The following VWA3B variants were observed in gnomAD, a reference collection of about 807,000 sequenced individuals.
The protein encoded by VWA3B is von Willebrand factor A domain containing 3B.
Under a neutral mutation model 158.3 loss-of-function variants are expected in VWA3B, and 138 were observed. The observed-to-expected ratio is 0.87, with a 90% CI of 0.76 to 1.00. The LOEUF (loss-of-function observed/expected upper bound fraction) is 1.00, where lower values mean the gene tolerates loss of function less well. Among genes scored for constraint, VWA3B ranks in the 50% least tolerant of loss-of-function variants. VWA3B has a pLI of 0.00. For synonymous variants in VWA3B, 596 were observed against 587.3 expected (o/e 1.01, Z -0.21); for missense variants, 1,555 against 1,565.1 (o/e 0.99, Z 0.11).
chr2:98,296,319 A>G (rs62155294), intron 23 of VWA3B, among the ~76,000 whole-genome samples: 5,932 of 152,326 alleles, frequency 0.039, 168 homozygotes, highest in Middle Eastern at 0.075. Context: ...CTGATTCTCA[A>G]TCAGGAGCGG....
Position 98,297,888 on chromosome 2 carries a change from T to C in VWA3B, c.3158-19T>C. ...TGTTATTTGTCTTTATATTTTATGT[T>C]TTCTTTGATTCCTTCCAGGGGTTGT... On this transcript the variant is annotated intron_variant, in intron 23 of 27. Coordinates refer to ENST00000477737, the MANE Select transcript of VWA3B (RefSeq NM_144992.5). 3 of 1,464,700 alleles carry C rather than the reference T, an allele frequency of 2.0e-6. No homozygotes were observed. Among genetic ancestry groups the C allele is most frequent in the Non-Finnish European group, 2.7e-6 (3 of 1,102,024 alleles). The allele number at this position is 1,464,700 out of a possible 1,614,324, so 90.7% of individuals were successfully genotyped here. A position where few individuals can be genotyped will look rare whatever the true frequency, so the allele number is the denominator to read the frequency against.
At chr2:98,224,040 C>G (rs1416344667) in intron 14 of VWA3B, among the ~76,000 whole-genome samples, 1 of 152,182 alleles carries the variant, frequency 6.6e-6, no homozygotes, top group Non-Finnish European at 1.5e-5. Context: ...TTTCACAAAA[C>G]TATCCTTCAA....
chr2:98,255,650 C>A (rs535784877), intron 20 of VWA3B, among the ~76,000 whole-genome samples: 1 of 152,064 alleles, frequency 6.6e-6, no homozygotes, highest in Non-Finnish European at 1.5e-5. Context: ...CTAGCAGCCT[C>A]GTTTGGAAAA....
intron 12 of VWA3B, among the ~76,000 whole-genome samples, chr2:98,211,720 C>CTTGG: frequency 6.6e-6 from 1 of 152,344 alleles, no homozygotes; most frequent in African/African-American, 2.4e-5. Flanking sequence ...TGACTTCTAG[C>CTTGG]AGTCCTTGGA....
chr2:98,134,077 G>A, intron 7 of VWA3B, 138 bp downstream of exon 7: 1 of 705,374 alleles, frequency 1.4e-6, no homozygotes, highest in Non-Finnish European at 2.4e-6. Flanking sequence ...CAAGAGCAGA[G>A]TTAATGGATA....
chr2:98,093,004 T>G, intron 1 of VWA3B, 57 bp from the exon 2 acceptor site: 1 of 1,267,888 alleles, frequency 7.9e-7, no homozygotes, highest in Admixed American at 2.3e-5. Flanking sequence ...AGTCCCCTGT[T>G]GACGTTAGAT....
At chr2:98,260,712 G>A (rs536179013) in intron 21 of VWA3B, among the ~76,000 whole-genome samples, 1 of 151,738 alleles carries the variant, frequency 6.6e-6, no homozygotes, top group South Asian at 2.1e-4. Flanking sequence ...ACACATTTTA[G>A]GAATCAGTAT....
intron 21 of VWA3B, among the ~76,000 whole-genome samples, chr2:98,267,793 C>T (rs1324558391): frequency 6.6e-6 from 1 of 151,694 alleles, no homozygotes; most frequent in African/African-American, 2.4e-5. Context: ...AGACTACTAG[C>T]AAGACTAATA....
At position 98,308,463 on chromosome 2, in the gene VWA3B, G is replaced by C. The variant is rs1169974849; in HGVS notation, c.3522-3356G>C. Among the ~76,000 whole-genome samples, 6 of 152,236 alleles carry C rather than the reference G, an allele frequency of 3.9e-5. No homozygotes were observed. In the East Asian group the frequency reaches 9.6e-4, roughly 24 times the overall value. ...ACTGCCTCCATTTGAGAACATATGT[G>C]TAGTTTCTCCCATGTGGTCCTTCTC... On this transcript the variant is annotated intron_variant, in intron 26 of 27. Coordinates refer to ENST00000477737, the MANE Select transcript of VWA3B (RefSeq NM_144992.5).
chr2:98,285,418 A>G (rs62157920), intron 22 of VWA3B, among the ~76,000 whole-genome samples: 5,920 of 152,130 alleles, frequency 0.039, 167 homozygotes, highest in Middle Eastern at 0.075. Context: ...GTCTTTTTAT[A>G]GTTATAAATT....
chr2:98,180,697 C>G (rs1680497610), intron 8 of VWA3B, among the ~76,000 whole-genome samples: 1 of 152,232 alleles, frequency 6.6e-6, no homozygotes. Context: ...TACATGGCTC[C>G]TGACACACAG....
chr2:98,311,718 G>C, intron 26 of VWA3B, 101 bp from the exon 27 acceptor site: 2 of 1,347,940 alleles, frequency 1.5e-6, no homozygotes, highest in East Asian at 2.5e-5. Flanking sequence ...GAAGAGGGAC[G>C]TGGGCAAGGA....
rs561588494 is a variant in VWA3B, at chr2:98,191,289, C to T, written c.1467-1609C>T. On this transcript the variant is annotated intron_variant, in intron 10 of 27. Coordinates refer to ENST00000477737, the MANE Select transcript of VWA3B (RefSeq NM_144992.5). ...GCAATAGCTGTGTAACATCCTTTTC[C>T]ACTAATTCTATCATCTGTGTCATTT... 3.7e-4 allele frequency among the ~76,000 whole-genome samples: 57 copies of T among 152,194 alleles called. No homozygotes were observed. The East Asian group carries it at 5.6e-3, about 15-fold the overall frequency.
chr2:98,237,147 G>A (rs2105739758), intron 19 of VWA3B, among the ~76,000 whole-genome samples: 1 of 152,362 alleles, frequency 6.6e-6, no homozygotes, highest in Admixed American at 6.5e-5. Flanking sequence ...CCGCATTCCA[G>A]CCTGGGTGAC....
intron 14 of VWA3B, among the ~76,000 whole-genome samples, chr2:98,225,954 A>G (rs1349502678): frequency 6.6e-6 from 1 of 152,244 alleles, no homozygotes; most frequent in Non-Finnish European, 1.5e-5. Context: ...AAATGGAAAG[A>G]TATGTCCTGT....
intron 2 of VWA3B, among the ~76,000 whole-genome samples, chr2:98,102,692 T>G (rs141992066): frequency 6.6e-5 from 10 of 152,384 alleles, no homozygotes; most frequent in African/African-American, 2.4e-4. Context: ...TTTCTTTTCT[T>G]GTAACGTCAT....
chr2:98,327,748 G>C, the VWA3B span, among the ~76,000 whole-genome samples: 1 of 152,274 alleles, frequency 6.6e-6, no homozygotes, highest in East Asian at 1.9e-4. Flanking sequence ...TACTAGATGA[G>C]ACCTGTTAGC....
intron 9 of VWA3B, among the ~76,000 whole-genome samples, chr2:98,182,542 G>T (rs1680683671): frequency 6.6e-6 from 1 of 152,236 alleles, no homozygotes. Context: ...AATCTCATTT[G>T]TGGGTTTCCT....
the VWA3B span, among the ~76,000 whole-genome samples, chr2:98,324,542 C>T: frequency 6.6e-6 from 1 of 152,188 alleles, no homozygotes; most frequent in Non-Finnish European, 1.5e-5. Context: ...GAAATTTTAA[C>T]TGCCACTCAA....
Sources: gnomAD v4.1 joint callset for allele counts (sites outside exome capture counted in the v4.1 genomes callset) on GRCh38, gnomAD v4.1.1 for gene constraint, MANE v1.5 for transcripts, NCBI Gene and HGNC (gene_info 2026-07-23, HGNC 2026-07-21) for gene names.